ANKRD55: variants seen among roughly 807,000 people sequenced by gnomAD.
ANKRD55 encodes ankyrin repeat domain 55.
A neutral mutation model predicts 60.6 loss-of-function variants in ANKRD55; 41 were observed. That is an observed-to-expected ratio of 0.68 (90% CI 0.53 to 0.88). The LOEUF (loss-of-function observed/expected upper bound fraction) is 0.88. ANKRD55 is among the 40% of genes least tolerant of loss of function. The pLI is 0.00. For missense variants in ANKRD55, 732 were observed against 767.6 expected (o/e 0.95, Z 0.55); for synonymous variants, 264 against 290.3 (o/e 0.91, Z 0.92).
chr5:56,220,540 C>T (rs1418631263), intron 2 of ANKRD55, among the ~76,000 whole-genome samples: 1 of 152,168 alleles, frequency 6.6e-6, no homozygotes, highest in African/African-American at 2.4e-5. Flanking sequence ...AGAGGCGGGG[C>T]ACAGTGGCTC....
intron 10 of ANKRD55, among the ~76,000 whole-genome samples, chr5:56,106,570 C>T (rs1173652496): frequency 6.6e-6 from 1 of 151,856 alleles, no homozygotes; most frequent in Non-Finnish European, 1.5e-5. Flanking sequence ...ACTACAGGCG[C>T]CCGCCACCAC....
At chr5:56,118,390 C>T (rs561022276) in intron 8 of ANKRD55, among the ~76,000 whole-genome samples, 138 of 152,212 alleles carry the variant, frequency 9.1e-4, no homozygotes, top group African/African-American at 3.2e-3. Context: ...CTTTGGGAGG[C>T]CAAGGCAGGT....
chr5:56,171,865 TC>T (rs1758616127), intron 4 of ANKRD55, among the ~76,000 whole-genome samples: 1 of 152,160 alleles, frequency 6.6e-6, no homozygotes, highest in Admixed American at 6.5e-5. Flanking sequence ...ACGCCTGTAA[TC>T]CCAGCACTTT....
At chr5:56,146,995 T>C (rs1206285414) in intron 6 of ANKRD55, 1 of 152,210 alleles carries the variant, frequency 6.6e-6, no homozygotes, top group East Asian at 1.9e-4. Context: ...GTTTCAGACT[T>C]TAAGAGTTAT....
rs775701864 is a variant in ANKRD55, at chr5:56,143,751, C to T, written c.612+50G>A. ...TGACCTACTCAGAAAATTGTTAACACTGCTTTCCACCATTTAAACCTGAGA... is the reference window on the plus strand; with the variant it reads ...TGACCTACTCAGAAAATTGTTAACATTGCTTTCCACCATTTAAACCTGAGA... On this transcript the variant is annotated intron_variant, in intron 7 of 11. Transcript: ENST00000341048. 13 of 1,606,892 alleles carry T rather than the reference C, an allele frequency of 8.1e-6. No individual in the cohort carries two copies. In the Admixed American group the frequency reaches 2.2e-4, roughly 27 times the overall value.
intron 7 of ANKRD55, among the ~76,000 whole-genome samples, chr5:56,142,564 A>G (rs1757800362): frequency 6.6e-6 from 1 of 152,204 alleles, no homozygotes; most frequent in African/African-American, 2.4e-5. Flanking sequence ...TCCTGGATCT[A>G]GGGAATCAGA....
chr5:56,141,969 A>G (rs1206224225), intron 7 of ANKRD55, among the ~76,000 whole-genome samples: 1 of 152,102 alleles, frequency 6.6e-6, no homozygotes, highest in African/African-American at 2.4e-5. Flanking sequence ...ATTAATGCAA[A>G]CTCAGATATT....
At chr5:56,125,030 C>T (rs1007666772) in intron 8 of ANKRD55, among the ~76,000 whole-genome samples, 11 of 152,010 alleles carry the variant, frequency 7.2e-5, no homozygotes, top group Admixed American at 2.6e-4. Context: ...TACTTTCCAC[C>T]ATGAGGCCTA....
At chr5:56,189,065 G>A (rs1027506622) in intron 2 of ANKRD55, among the ~76,000 whole-genome samples, 1 of 152,064 alleles carries the variant, frequency 6.6e-6, no homozygotes, top group Non-Finnish European at 1.5e-5. Flanking sequence ...GTGAGTGACT[G>A]GAGGTATGAA....
chr5:56,127,200 A>G, intron 7 of ANKRD55, 94 bp from the exon 8 acceptor site: 2 of 1,321,202 alleles, frequency 1.5e-6, no homozygotes, highest in Non-Finnish European at 1.9e-6. Flanking sequence ...GAAAAAAAGG[A>G]AAGAAAGAAA....
chr5:56,196,843 A>C (rs1759238640), intron 2 of ANKRD55, among the ~76,000 whole-genome samples: 1 of 152,186 alleles, frequency 6.6e-6, no homozygotes, highest in South Asian at 2.1e-4. Context: ...ATGCATTCTT[A>C]CCAAATACCC....
chr5:56,146,168 A>C (rs1207904068), intron 6 of ANKRD55, among the ~76,000 whole-genome samples: 1 of 152,196 alleles, frequency 6.6e-6, no homozygotes, highest in African/African-American at 2.4e-5. Flanking sequence ...CGTAAGTTGC[A>C]TGAGAGCAGG....
intron 5 of ANKRD55, chr5:56,161,898 G>A: frequency 1.2e-6 from 1 of 864,536 alleles, no homozygotes; most frequent in African/African-American, 1.8e-5. Flanking sequence ...TGCATTTTGG[G>A]TCACACAATT....
intron 2 of ANKRD55, among the ~76,000 whole-genome samples, chr5:56,225,309 A>G (rs1221782180): frequency 6.6e-6 from 1 of 152,214 alleles, no homozygotes; most frequent in Non-Finnish European, 1.5e-5. Context: ...ACTCTCGATA[A>G]ATTAGGTATT....
rs60941066 is a variant in ANKRD55 at position 56,166,199 on chromosome 5, T to TTCTCTC, written c.422+4489_422+4494dup. Among the ~76,000 whole-genome samples, 64 of 96,114 alleles carry TTCTCTC rather than the reference T, an allele frequency of 6.7e-4. 4 individuals carry two copies. The highest frequency in any genetic ancestry group is 3.4e-3 in the African/African-American group (58 of 17,192). The allele number at this position is 96,114 out of a possible 152,430, so 63.1% of individuals were successfully genotyped here. On this transcript the variant is annotated intron_variant, in intron 5 of 11. Coordinates refer to ENST00000341048, the MANE Select transcript of ANKRD55 (RefSeq NM_024669.3). ...CTTCCTTCCTTCCTTCCTTCCTTCC[T>TTCTCTC]TCTCTCTCTCTCTCTCTCTTTCTTT... is the stretch of plus-strand genomic sequence containing the variant.
In ANKRD55 at chr5:56,166,086, T is replaced by TTCTTCTTTCTTTC. The variant is rs1554040773; in HGVS notation, c.422+4607_422+4608insGAAAGAAAGAAGA. 5.4e-4 allele frequency among the ~76,000 whole-genome samples: 50 copies of TTCTTCTTTCTTTC among 91,848 alleles called. 1 individual carries two copies. The highest frequency in any genetic ancestry group is 1.7e-3 in the African/African-American group (47 of 27,888). The allele number at this position is 91,848 out of a possible 152,430, so 60.3% of individuals were successfully genotyped here. A position where few individuals can be genotyped will look rare whatever the true frequency, so the allele number is the denominator to read the frequency against. ...CACCCTTCAGGGATCTTTCTTTTCT[T>TTCTTCTTTCTTTC]TTTCTTTCTTTCTTTCTTTCTTTCT... On this transcript the variant is annotated intron_variant, in intron 5 of 11. Coordinates refer to ENST00000341048, the MANE Select transcript of ANKRD55 (RefSeq NM_024669.3).
At chr5:56,121,216 G>A (rs575066336) in intron 8 of ANKRD55, among the ~76,000 whole-genome samples, 2 of 152,156 alleles carry the variant, frequency 1.3e-5, no homozygotes, top group African/African-American at 2.4e-5. Flanking sequence ...AGGCAAGTGG[G>A]GTGGGGGGCT....
At chr5:56,167,492 C>T (rs547855063) in intron 5 of ANKRD55, among the ~76,000 whole-genome samples, 1 of 152,314 alleles carries the variant, frequency 6.6e-6, no homozygotes, top group South Asian at 2.1e-4. Flanking sequence ...GTTGTTAGGA[C>T]TTAACCCAAT....
At chr5:56,138,268 C>T (rs1399981886) in intron 7 of ANKRD55, among the ~76,000 whole-genome samples, 1 of 151,812 alleles carries the variant, frequency 6.6e-6, no homozygotes, top group Non-Finnish European at 1.5e-5. Flanking sequence ...GCTGGGATTA[C>T]AGGCACCCAC....
Sources: allele counts gnomAD v4.1 joint callset (sites outside exome capture counted in the v4.1 genomes callset), GRCh38; gene constraint gnomAD v4.1.1; transcripts MANE v1.5; gene names NCBI Gene and HGNC (gene_info 2026-07-23, HGNC 2026-07-21).